LRP1B: variants seen among roughly 807,000 people sequenced by gnomAD.
LRP1B encodes LDL receptor related protein 1B.
Under a neutral mutation model 556.6 loss-of-function variants are expected in LRP1B, and 217 were observed. That is an observed-to-expected ratio of 0.39 (90% CI 0.35 to 0.44). The LOEUF (loss-of-function observed/expected upper bound fraction) is 0.44. Ranked by LOEUF, LRP1B falls within the 20% of genes least tolerant of loss-of-function variation. The pLI, the probability that LRP1B is intolerant of heterozygous loss-of-function variation, is 1.00. For missense variants in LRP1B, 5,053 were observed against 5,620.8 expected, an observed-to-expected ratio of 0.90 and a Z score of 3.23; for synonymous variants, 2,047 against 1,865.8, an observed-to-expected ratio of 1.10 and a Z score of -2.50.
At chr2:142,005,229 A>T (rs894066075) in intron 1 of LRP1B, among the ~76,000 whole-genome samples, 7 of 151,768 alleles carry the variant, frequency 4.6e-5, no homozygotes, top group African/African-American at 1.7e-4. Context: ...AAAAATGTAC[A>T]ATTAGCTATA....
chr2:140,654,297 A>G (rs1684795806), intron 41 of LRP1B, among the ~76,000 whole-genome samples: 2 of 152,270 alleles, frequency 1.3e-5, no homozygotes, highest in South Asian at 4.1e-4. Context: ...CTGAGGAGAC[A>G]ACAATTGTGA....
intron 1 of LRP1B, among the ~76,000 whole-genome samples, chr2:142,090,234 A>T (rs1706113108): frequency 6.6e-6 from 1 of 152,174 alleles, no homozygotes; most frequent in African/African-American, 2.4e-5. Flanking sequence ...TATAAACATA[A>T]TTATGAGGCT....
intron 66 of LRP1B, among the ~76,000 whole-genome samples, chr2:140,409,206 G>A (rs1487269024): frequency 1.3e-5 from 2 of 151,586 alleles, no homozygotes; most frequent in Non-Finnish European, 3.0e-5. Flanking sequence ...TCTCAGTTTT[G>A]GTGTAAACTG....
At chr2:141,064,619 T>C (rs1402727019) in intron 7 of LRP1B, among the ~76,000 whole-genome samples, 1 of 151,970 alleles carries the variant, frequency 6.6e-6, no homozygotes, top group East Asian at 1.9e-4. Flanking sequence ...CAAAGAGTCC[T>C]AAGGAATAAT....
At position 142,130,868 on chromosome 2, in the gene LRP1B, C is replaced by T. The variant is rs1419339323; in HGVS notation, c.-139G>A. ...ACAAATGTCACTGGAAATTCTTCAG[C>T]TCAATGAGTCCAGCCAGTCAGCCTT... On this transcript the variant is annotated 5_prime_UTR_variant, in exon 1 of 91. Coordinates refer to ENST00000389484, the MANE Select transcript of LRP1B (RefSeq NM_018557.3). 1.4e-6 allele frequency: 1 copy of T among 724,764 alleles called. No homozygotes were observed. The highest frequency in any genetic ancestry group is 2.5e-6 in the Non-Finnish European group (1 of 405,922). The allele number at this position is 724,764 out of a possible 1,614,324, so 44.9% of individuals were successfully genotyped here.
chr2:141,617,789 A>T (rs1688361913), intron 2 of LRP1B, among the ~76,000 whole-genome samples: 1 of 152,198 alleles, frequency 6.6e-6, no homozygotes, highest in Admixed American at 6.5e-5. Context: ...TCCAATGTAA[A>T]ATTTTAAACA....
At chr2:140,988,500 T>C (rs937936453) in intron 17 of LRP1B, among the ~76,000 whole-genome samples, 2 of 152,124 alleles carry the variant, frequency 1.3e-5, no homozygotes, top group African/African-American at 2.4e-5. Flanking sequence ...TTGCCAGTGT[T>C]GTTTTGTACA....
intron 1 of LRP1B, among the ~76,000 whole-genome samples, chr2:141,937,104 CAT>C (rs1431312494): frequency 2.0e-5 from 3 of 151,896 alleles, no homozygotes; most frequent in African/African-American, 7.2e-5. Context: ...AAAAATATAA[CAT>C]GTGCCAGGCG....
chr2:140,500,050 T>C (rs995871787), intron 55 of LRP1B, among the ~76,000 whole-genome samples: 5 of 152,028 alleles, frequency 3.3e-5, no homozygotes, highest in Admixed American at 2.6e-4. Flanking sequence ...ACATTAATTA[T>C]CTGATGCATG....
chr2:141,497,853 T>C (rs1432346605), intron 2 of LRP1B, among the ~76,000 whole-genome samples: 2 of 152,012 alleles, frequency 1.3e-5, no homozygotes, highest in African/African-American at 4.8e-5. Context: ...GACTTTTAAC[T>C]TTTATGAAAA....
chr2:141,106,946 G>T (rs991466507), intron 7 of LRP1B, among the ~76,000 whole-genome samples: 2 of 151,740 alleles, frequency 1.3e-5, no homozygotes, highest in African/African-American at 4.8e-5. Flanking sequence ...AATGAGAGTT[G>T]TTTTGTGAAT....
chr2:140,735,450 C>T (rs1160264321), intron 35 of LRP1B, among the ~76,000 whole-genome samples: 1 of 152,110 alleles, frequency 6.6e-6, no homozygotes, highest in Non-Finnish European at 1.5e-5. Context: ...AAAATGGACA[C>T]AGCTGAGCAG....
At position 141,946,061 on chromosome 2, in the gene LRP1B, C is replaced by A. The variant is rs139354732; in HGVS notation, c.83-135660G>T. On this transcript the variant is annotated intron_variant, in intron 1 of 90. Transcript: ENST00000389484. ...AGGCAGCTCCCACTCAACGAGAGAGCACGTAGGGGTACCTATACTAGCCCA... is the reference window on the plus strand; with the variant it reads ...AGGCAGCTCCCACTCAACGAGAGAGAACGTAGGGGTACCTATACTAGCCCA... Among the ~76,000 whole-genome samples the A allele has an allele frequency of 5.5e-4, 83 of 152,116 alleles. 1 individual carries two copies. Among genetic ancestry groups the A allele is most frequent in the African/African-American group, 2.0e-3 (81 of 41,498 alleles).
At chr2:141,347,301 T>G (rs2105530308) in intron 3 of LRP1B, among the ~76,000 whole-genome samples, 1 of 152,154 alleles carries the variant, frequency 6.6e-6, no homozygotes, top group Non-Finnish European at 1.5e-5. Context: ...TAAGTGGTAA[T>G]TGTAATAACA....
At chr2:140,306,077 G>T (rs1449010598) in intron 83 of LRP1B, among the ~76,000 whole-genome samples, 1 of 130,386 alleles carries the variant, frequency 7.7e-6, no homozygotes, top group Non-Finnish European at 1.8e-5. Flanking sequence ...CAGGATTTTT[G>T]CATCGATATT....
intron 2 of LRP1B, among the ~76,000 whole-genome samples, chr2:141,535,403 T>C (rs966322766): frequency 6.6e-6 from 1 of 152,088 alleles, no homozygotes; most frequent in Non-Finnish European, 1.5e-5. Flanking sequence ...GAGGAAATAA[T>C]AGGATAATAC....
intron 3 of LRP1B, among the ~76,000 whole-genome samples, chr2:141,287,087 C>T: frequency 6.6e-6 from 1 of 152,152 alleles, no homozygotes; most frequent in Middle Eastern, 3.2e-3. Context: ...TTCCCTCTAT[C>T]TTTGTCTTCA....
chr2:141,848,239 A>G (rs1697721795), intron 1 of LRP1B, among the ~76,000 whole-genome samples: 1 of 151,598 alleles, frequency 6.6e-6, no homozygotes, highest in African/African-American at 2.4e-5. Context: ...TTATGTATAT[A>G]CTATAGGTGT....
intron 3 of LRP1B, among the ~76,000 whole-genome samples, chr2:141,391,908 T>C (rs1017276031): frequency 5.3e-5 from 8 of 152,202 alleles, no homozygotes; most frequent in Non-Finnish European, 1.2e-4. Context: ...TCTGTTTGCA[T>C]GAATTTTACC....
Sources: allele counts gnomAD v4.1 joint callset (sites outside exome capture counted in the v4.1 genomes callset), GRCh38; gene constraint gnomAD v4.1.1; transcripts MANE v1.5; gene names NCBI Gene and HGNC (gene_info 2026-07-23, HGNC 2026-07-21).